The following VWA8 variants were observed in gnomAD, a reference collection of about 807,000 sequenced individuals.
VWA8 encodes the protein von Willebrand factor A domain containing 8.
VWA8 carries 221 observed loss-of-function variants against 241.5 expected under a neutral mutation model. The ratio of observed to expected loss-of-function variants is 0.91; its 90% CI spans 0.82 to 1.02. The LOEUF (loss-of-function observed/expected upper bound fraction) is 1.02, where lower values mean the gene tolerates loss of function less well. Ranked by LOEUF, VWA8 falls within the 50% of genes least tolerant of loss-of-function variation. VWA8 has a pLI of 0.00. For synonymous variants in VWA8, 852 were observed against 827.1 expected (o/e 1.03, Z -0.52); for missense variants, 2,322 against 2,328.7 (o/e 1.00, Z 0.06).
At chr13:41,743,478 T>C (rs566467220) in intron 21 of VWA8, among the ~76,000 whole-genome samples, 3 of 152,336 alleles carry the variant, frequency 2.0e-5, no homozygotes, top group South Asian at 2.1e-4. Flanking sequence ...ATGTGAAAGG[T>C]TGGCTATTAC....
intron 37 of VWA8, among the ~76,000 whole-genome samples, chr13:41,654,071 A>G (rs1005003476): frequency 2.6e-5 from 4 of 152,160 alleles, no homozygotes; most frequent in Non-Finnish European, 5.9e-5. Flanking sequence ...ACAAACACAC[A>G]CACAAAGGGA....
At chr13:41,883,616 G>A (rs569962377) in intron 8 of VWA8, 125 bp from the exon 9 acceptor site, 2 of 654,546 alleles carry the variant, frequency 3.1e-6, no homozygotes, top group Non-Finnish European at 5.2e-6. Flanking sequence ...GGTATTTTCT[G>A]TAAGTCTACA....
intron 37 of VWA8, among the ~76,000 whole-genome samples, chr13:41,636,408 C>G (rs1288493172): frequency 1.3e-5 from 2 of 152,140 alleles, no homozygotes; most frequent in East Asian, 3.8e-4. Flanking sequence ...CTTCCTTACA[C>G]CTTGTACAAA....
chr13:41,921,464 AG>A (rs1485699257), intron 2 of VWA8, among the ~76,000 whole-genome samples: 4 of 152,176 alleles, frequency 2.6e-5, no homozygotes, highest in African/African-American at 7.2e-5. Flanking sequence ...AAAGAAATTA[AG>A]GGTATTCGAT....
chr13:41,671,352 C>T lies in VWA8; in HGVS notation c.4410-205G>A, dbSNP rs544456330. Reference sequence around the variant, plus strand: ...TTCTTAAACAAACATGCCCAGGGTTCGTAAGCAAACATGAGGCAGGACAAT... The same window carrying T: ...TTCTTAAACAAACATGCCCAGGGTTTGTAAGCAAACATGAGGCAGGACAAT... On this transcript the variant is annotated intron_variant, in intron 36 of 44. Coordinates refer to ENST00000379310, the MANE Select transcript of VWA8 (RefSeq NM_015058.2). Among the ~76,000 whole-genome samples, 54 of 151,900 alleles carry T rather than the reference C, an allele frequency of 3.6e-4. 1 individual carries two copies. In the South Asian group the frequency reaches 0.011, roughly 30 times the overall value.
intron 2 of VWA8, chr13:41,926,803 T>A: frequency 1.8e-6 from 1 of 554,654 alleles, no homozygotes; most frequent in South Asian, 1.4e-5. Flanking sequence ...GGGGTAAAGC[T>A]GCCAGAAACT....
intron 17 of VWA8, among the ~76,000 whole-genome samples, chr13:41,807,485 ATTCATCAT>A (rs1157842610): frequency 6.6e-6 from 1 of 152,244 alleles, no homozygotes; most frequent in Non-Finnish European, 1.5e-5. Context: ...TATAAAGATC[ATTCATCAT>A]GACCAAGCGG....
In VWA8 at chr13:41,587,512, C is replaced by G. The variant is rs1458753053; in HGVS notation, c.5271G>C (p.Gln1757His). 3.1e-6 allele frequency: 5 copies of G among 1,614,136 alleles called. No homozygotes were observed. The highest frequency in any genetic ancestry group is 4.2e-6 in the Non-Finnish European group (5 of 1,180,012). ...EAFENYEEKF[Q>H]YDIVGHSGDG... ...CATTATTCTTAGTTCATGTCATTAC[C>G]TGGAACTTCTCCTCATAGTTCTCGA... The change falls in exon 42 of 45, where the codon CAG becomes CAC. Residue 1757 changes from glutamine (Q) to histidine (H), a missense_variant and splice_region_variant. By Grantham distance (24) the Gln-to-His change is conservative. Transcript: ENST00000379310.
chr13:41,569,124 A>G (rs867612661), intron 44 of VWA8, among the ~76,000 whole-genome samples: 55 of 151,180 alleles, frequency 3.6e-4, no homozygotes, highest in Admixed American at 1.9e-3. Context: ...AAATTCAACC[A>G]TCCTGTGTAG....
In VWA8 at chr13:41,960,974, G is replaced by A; in HGVS notation, c.42C>T (p.His14=). The A allele has an allele frequency of 2.1e-6, 3 of 1,429,694 alleles. No individual in the cohort carries two copies. Among genetic ancestry groups the A allele is most frequent in the Non-Finnish European group, 1.8e-6 (2 of 1,100,544 alleles). The allele number at this position is 1,429,694 out of a possible 1,614,324, so 88.6% of individuals were successfully genotyped here. ...GCATGCGCCGCGAGGCCGGGCCGCC[G>A]TGGCCTCCGGGTGCCCCGAGGAGTA... ...RLLLLGAPGG[H]GGPASRRMRL... is the part of the protein sequence containing the mutation. The change falls in exon 1 of 45, where the codon CAC becomes CAT. Residue 14 remains histidine, a synonymous_variant. Coordinates refer to ENST00000379310, the MANE Select transcript of VWA8 (RefSeq NM_015058.2).
At chr13:41,880,781 CA>C (rs1277985666) in intron 9 of VWA8, among the ~76,000 whole-genome samples, 1 of 152,182 alleles carries the variant, frequency 6.6e-6, no homozygotes, top group Non-Finnish European at 1.5e-5. Context: ...CATACAATGT[CA>C]ATTTGTCCCA....
chr13:41,748,794 C>G (rs1224309981), intron 21 of VWA8, among the ~76,000 whole-genome samples: 2 of 152,164 alleles, frequency 1.3e-5, no homozygotes, highest in African/African-American at 4.8e-5. Context: ...GCTGGGAAAA[C>G]TGGCTAGCCA....
chr13:41,864,989 CAAA>C (rs35515775), intron 12 of VWA8, among the ~76,000 whole-genome samples: 2 of 75,094 alleles, frequency 2.7e-5, no homozygotes, highest in Admixed American at 1.4e-4. Context: ...AACTCCATCT[CAAA>C]AAAAAAAAAA....
In VWA8 at chr13:41,868,431, A is replaced by G. The variant is rs746952389; in HGVS notation, c.1127T>C (p.Ile376Thr). 3 of 1,614,084 alleles carry G rather than the reference A, an allele frequency of 1.9e-6. No individual in the cohort carries two copies. Among genetic ancestry groups the G allele is most frequent in the Non-Finnish European group, 2.5e-6 (3 of 1,179,994 alleles). Reference sequence around the variant, plus strand: ...TTCCATCATCTTCTCTACTTTTACAATCTCTTTAGGAAGTAGAGAGCTTCC... The same window carrying G: ...TTCCATCATCTTCTCTACTTTTACAGTCTCTTTAGGAAGTAGAGAGCTTCC... ...DSGSSLLPKEIVKVEKMMENH... is the reference protein window; with the variant it reads ...DSGSSLLPKETVKVEKMMENH... The change falls in exon 10 of 45, where the codon ATT (isoleucine) becomes ACT (threonine). Residue 376 changes from isoleucine to threonine, a missense_variant. By Grantham distance (89) the Ile-to-Thr change is moderately conservative. Coordinates refer to ENST00000379310, the MANE Select transcript of VWA8 (RefSeq NM_015058.2).
intron 29 of VWA8, among the ~76,000 whole-genome samples, chr13:41,698,815 C>A (rs1393801346): frequency 6.6e-6 from 1 of 152,146 alleles, no homozygotes; most frequent in Non-Finnish European, 1.5e-5. Context: ...AATCATCTGA[C>A]CTCAGATGTC....
At chr13:41,678,006 A>C (rs550966965) in intron 35 of VWA8, among the ~76,000 whole-genome samples, 6 of 152,202 alleles carry the variant, frequency 3.9e-5, no homozygotes, top group Non-Finnish European at 5.9e-5. Flanking sequence ...GTTTGAGCAT[A>C]TTTTGCGCCA....
intron 19 of VWA8, among the ~76,000 whole-genome samples, chr13:41,778,837 T>C (rs1398742378): frequency 3.7e-5 from 5 of 133,742 alleles, no homozygotes; most frequent in East Asian, 2.1e-4. Context: ...CGTCACTTTT[T>C]TTTTTTTTTT....
At chr13:41,599,360 T>C (rs551146807) in intron 40 of VWA8, among the ~76,000 whole-genome samples, 2 of 152,266 alleles carry the variant, frequency 1.3e-5, no homozygotes, top group Non-Finnish European at 2.9e-5. Context: ...TTTCAATTTA[T>C]GTCTTATTTC....
At chr13:41,789,894 T>G (rs192719444) in intron 17 of VWA8, among the ~76,000 whole-genome samples, 38 of 152,330 alleles carry the variant, frequency 2.5e-4, no homozygotes, top group Admixed American at 1.1e-3. Flanking sequence ...GTACAGCCTA[T>G]TTATAAATTT....
Sources: allele counts gnomAD v4.1 joint callset (sites outside exome capture counted in the v4.1 genomes callset), GRCh38; gene constraint gnomAD v4.1.1; transcripts MANE v1.5; gene names NCBI Gene and HGNC (gene_info 2026-07-23, HGNC 2026-07-21).